Variants in UGT1A10 observed in about 807,000 individuals in gnomAD.
UGT1A10 encodes the protein UDP glucuronosyltransferase family 1 member A10, also known as UDP-glucuronosyltransferase 1A10.
In UGT1A10, 49 loss-of-function variants were observed where a neutral mutation model predicts 45.8. The observed-to-expected ratio is 1.07, with a 90% CI of 0.85 to 1.36. UGT1A10 has a LOEUF of 1.36. Among genes scored for constraint, UGT1A10 ranks in the 40% most tolerant of loss-of-function variants. The pLI, the probability that UGT1A10 is intolerant of heterozygous loss-of-function variation, is 0.00. For missense variants in UGT1A10, 745 were observed against 668.6 expected (o/e 1.11, Z -1.26); for synonymous variants, 284 against 249.7 (o/e 1.14, Z -1.29).
At chr2:233,743,198 T>C in intron 1 of UGT1A10, 1 of 382,298 alleles carries the variant, frequency 2.6e-6, no homozygotes, top group Non-Finnish European at 5.2e-6. Context: ...TTACTTGGTG[T>C]CAATGCGGAG....
chr2:233,676,608 C>T (rs1575420847), intron 1 of UGT1A10, among the ~76,000 whole-genome samples: 1 of 152,182 alleles, frequency 6.6e-6, no homozygotes, highest in Non-Finnish European at 1.5e-5. Context: ...TCCTTTGTCT[C>T]CTCCAGCCTG....
At chr2:233,734,119 A>AATAATC (rs2125784278) in intron 1 of UGT1A10, among the ~76,000 whole-genome samples, 1 of 152,144 alleles carries the variant, frequency 6.6e-6, no homozygotes, top group Non-Finnish European at 1.5e-5. Context: ...TAATAATAAT[A>AATAATC]ATAAAAAGAA....
At chr2:233,737,732 C>A (rs569109147) in intron 1 of UGT1A10, among the ~76,000 whole-genome samples, 1 of 151,490 alleles carries the variant, frequency 6.6e-6, no homozygotes, top group African/African-American at 2.4e-5. Flanking sequence ...TTTTTTTTTC[C>A]TTTTCTCTTC....
At chr2:233,771,559 G>GTA (rs1700328528) in intron 4 of UGT1A10, 1 of 152,152 alleles carries the variant, frequency 6.6e-6, no homozygotes, top group South Asian at 2.1e-4. Flanking sequence ...CTGTTAATTT[G>GTA]GCCAGAGGTG....
chr2:233,712,970 G>A, intron 1 of UGT1A10: 1 of 1,613,036 alleles, frequency 6.2e-7, no homozygotes. Flanking sequence ...TGGACAGTCA[G>A]CTGTCGGTGG....
At chr2:233,688,597 A>C (rs1376103048) in intron 1 of UGT1A10, among the ~76,000 whole-genome samples, 1 of 152,200 alleles carries the variant, frequency 6.6e-6, no homozygotes, top group Non-Finnish European at 1.5e-5. Context: ...TTGGTGTTAC[A>C]GAATAACACC....
At chr2:233,705,607 A>G (rs28898586) in intron 1 of UGT1A10, among the ~76,000 whole-genome samples, 1,928 of 152,348 alleles carry the variant, frequency 0.013, 41 homozygotes, top group African/African-American at 0.043. Context: ...GGCTCTGAAG[A>G]GAGAAGAAAC....
chr2:233,756,673 G>A (rs542273174), intron 1 of UGT1A10, among the ~76,000 whole-genome samples: 1 of 152,146 alleles, frequency 6.6e-6, no homozygotes, highest in Non-Finnish European at 1.5e-5. Flanking sequence ...ATTTCCGCTA[G>A]AACTGCTATA....
intron 1 of UGT1A10, among the ~76,000 whole-genome samples, chr2:233,730,736 G>A (rs896842159): frequency 4.6e-5 from 7 of 152,232 alleles, no homozygotes; most frequent in Non-Finnish European, 2.9e-5. Flanking sequence ...TGGCGGAAGG[G>A]GCTAGGGAGG....
intron 1 of UGT1A10, among the ~76,000 whole-genome samples, chr2:233,680,834 A>G (rs28969710): frequency 6.6e-6 from 1 of 152,128 alleles, no homozygotes; most frequent in Non-Finnish European, 1.5e-5. Context: ...GCAGAAGCAG[A>G]GTGGGCAGAG....
intron 1 of UGT1A10, among the ~76,000 whole-genome samples, chr2:233,694,933 G>A (rs2075249431): frequency 1.3e-5 from 2 of 152,182 alleles, no homozygotes; most frequent in African/African-American, 4.8e-5. Flanking sequence ...GATCAAATCA[G>A]GGTAATTGAG....
chr2:233,643,098 AG>A (rs1345306013), intron 1 of UGT1A10, among the ~76,000 whole-genome samples: 1 of 152,236 alleles, frequency 6.6e-6, no homozygotes, highest in Non-Finnish European at 1.5e-5. Context: ...TACAATCAGC[AG>A]GTGATACAGC....
chr2:233,644,743 G>A lies in UGT1A10; in HGVS notation c.855+7366G>A, dbSNP rs958864791. Among the ~76,000 whole-genome samples, 190 of 152,242 alleles carry A rather than the reference G, an allele frequency of 1.2e-3. 1 individual carries two copies. Among genetic ancestry groups the A allele is most frequent in the African/African-American group, 4.3e-3 (179 of 41,538 alleles). ...TGCCACACCGCCACTGTGGGTTCAG[G>A]GGGTTGGGTGACATAGGAGATGCAG... is the stretch of plus-strand genomic sequence containing the variant. On this transcript the variant is annotated intron_variant, in intron 1 of 4. Coordinates refer to ENST00000344644, the MANE Select transcript of UGT1A10 (RefSeq NM_019075.4).
intron 1 of UGT1A10, among the ~76,000 whole-genome samples, chr2:233,744,630 C>T (rs1387499679): frequency 6.6e-6 from 1 of 151,854 alleles, no homozygotes. Context: ...GAGGTGGATT[C>T]TCATGTCAGC....
intron 1 of UGT1A10, among the ~76,000 whole-genome samples, chr2:233,660,120 G>T (rs185883536): frequency 6.6e-6 from 1 of 152,296 alleles, no homozygotes; most frequent in African/African-American, 2.4e-5. Context: ...ACAACATCTG[G>T]ACACAGTTTT....
chr2:233,688,139 G>T (rs1441880155), intron 1 of UGT1A10, among the ~76,000 whole-genome samples: 2 of 152,074 alleles, frequency 1.3e-5, no homozygotes, highest in Non-Finnish European at 2.9e-5. Flanking sequence ...CTTTCTGTCT[G>T]TATGGATTTG....
At chr2:233,768,114 G>A (rs763965900) in intron 3 of UGT1A10, 106 bp from the exon 4 acceptor site, 19 of 1,597,766 alleles carry the variant, frequency 1.2e-5, no homozygotes, top group Non-Finnish European at 1.6e-5. Flanking sequence ...TTCTGCAAGG[G>A]CATGTGAGTA....
intron 1 of UGT1A10, among the ~76,000 whole-genome samples, chr2:233,702,805 A>G (rs1026483662): frequency 6.6e-6 from 1 of 152,244 alleles, no homozygotes; most frequent in African/African-American, 2.4e-5. Flanking sequence ...TTCCTAGAAT[A>G]ATCCCACTTG....
rs576733843 is a variant in UGT1A10 at position 233,754,931 on chromosome 2, G to A, written c.856-12103G>A. ...TATTCTCCAGCGGGTTTCCCAAGAG[G>A]TCAAAGGAGAATGGGTCCCGGCCGC... On this transcript the variant is annotated intron_variant, in intron 1 of 4. Transcript: ENST00000344644. 20 of 1,344,540 alleles carry A rather than the reference G, an allele frequency of 1.5e-5. No homozygotes were observed. The African/African-American group carries it at 2.2e-4, about 15-fold the overall frequency. The allele number at this position is 1,344,540 out of a possible 1,614,324, so 83.3% of individuals were successfully genotyped here. A position where few individuals can be genotyped will look rare whatever the true frequency, so the allele number is the denominator to read the frequency against.
Sources: gnomAD v4.1 joint callset for allele counts (sites outside exome capture counted in the v4.1 genomes callset) on GRCh38, gnomAD v4.1.1 for gene constraint, MANE v1.5 for transcripts, NCBI Gene and HGNC (gene_info 2026-07-23, HGNC 2026-07-21) for gene names.